WWC1: variants seen among roughly 807,000 people sequenced by gnomAD.
WWC1 encodes protein KIBRA.
A neutral mutation model predicts 138.4 loss-of-function variants in WWC1; 55 were observed. The observed-to-expected ratio is 0.40, with a 90% CI of 0.32 to 0.50. The LOEUF is 0.50. WWC1 is among the 20% of genes least tolerant of loss of function. WWC1 has a pLI of 0.72. For synonymous variants in WWC1, 524 were observed against 564.9 expected (o/e 0.93, Z 1.03); for missense variants, 1,226 against 1,420.4 (o/e 0.86, Z 2.20).
intron 2 of WWC1, among the ~76,000 whole-genome samples, chr5:168,383,348 C>G (rs527516290): frequency 1.3e-5 from 2 of 152,232 alleles, no homozygotes; most frequent in East Asian, 1.9e-4. Context: ...TTCATTACCC[C>G]CTTTAAGAGA....
At chr5:168,312,059 A>G (rs1303845978) in intron 1 of WWC1, among the ~76,000 whole-genome samples, 1 of 151,602 alleles carries the variant, frequency 6.6e-6, no homozygotes, top group East Asian at 1.9e-4. Flanking sequence ...AAAAAAAAAA[A>G]ATACAAAAAT....
At chr5:168,465,065 A>G (rs913888521) in intron 21 of WWC1, 103 bp downstream of exon 21, 20 of 1,461,462 alleles carry the variant, frequency 1.4e-5, no homozygotes, top group Admixed American at 1.2e-4. Context: ...GCATCCTACA[A>G]TTCCCACCAC....
intron 1 of WWC1, among the ~76,000 whole-genome samples, chr5:168,348,519 G>A (rs1039480068): frequency 2.0e-5 from 3 of 152,164 alleles, no homozygotes; most frequent in Non-Finnish European, 4.4e-5. Context: ...TGGAAGCTTG[G>A]CTGTGAGCAC....
At chr5:168,386,904 C>T (rs1304874265) in intron 3 of WWC1, among the ~76,000 whole-genome samples, 1 of 152,186 alleles carries the variant, frequency 6.6e-6, no homozygotes, top group Non-Finnish European at 1.5e-5. Flanking sequence ...CGTGCCTCAG[C>T]CTCCCAAAGT....
At chr5:168,435,748 T>G (rs1329243417) in intron 15 of WWC1, among the ~76,000 whole-genome samples, 1 of 152,196 alleles carries the variant, frequency 6.6e-6, no homozygotes, top group Non-Finnish European at 1.5e-5. Context: ...TTCCAACTAC[T>G]ACATTGTTTC....
intron 1 of WWC1, among the ~76,000 whole-genome samples, chr5:168,306,289 G>C (rs6555799): frequency 6.6e-6 from 1 of 151,404 alleles, no homozygotes; most frequent in East Asian, 2.0e-4. Context: ...CCAGCTACTC[G>C]GGAGGCTGAG....
chr5:168,448,672 G>A (rs1235227799), intron 17 of WWC1, among the ~76,000 whole-genome samples: 1 of 145,124 alleles, frequency 6.9e-6, no homozygotes, highest in African/African-American at 2.6e-5. Context: ...AGGCTGGAGT[G>A]CAGTGGCACG....
chr5:168,301,930 G>A (rs1019032379), intron 1 of WWC1, among the ~76,000 whole-genome samples: 6 of 152,074 alleles, frequency 3.9e-5, no homozygotes, highest in Non-Finnish European at 5.9e-5. Context: ...ATTAGAGCTC[G>A]CAAACCACCT....
intron 6 of WWC1, 137 bp from the exon 7 acceptor site, chr5:168,408,370 C>T: frequency 3.9e-6 from 4 of 1,014,246 alleles, no homozygotes; most frequent in South Asian, 3.2e-5. Flanking sequence ...CTCTCTATCA[C>T]AGGATCAGTA....
intron 22 of WWC1, 76 bp downstream of exon 22, chr5:168,468,040 A>G (rs1236176255): frequency 6.3e-7 from 1 of 1,589,342 alleles, no homozygotes; most frequent in Non-Finnish European, 8.6e-7. Flanking sequence ...CTGTGGTCTT[A>G]CTGCTCTCAT....
At chr5:168,306,936 C>T (rs546192305) in intron 1 of WWC1, among the ~76,000 whole-genome samples, 9 of 152,202 alleles carry the variant, frequency 5.9e-5, no homozygotes, top group African/African-American at 2.2e-4. Flanking sequence ...GGGGGCTAGG[C>T]CTTCCTTTCA....
intron 16 of WWC1, among the ~76,000 whole-genome samples, chr5:168,443,757 T>C (rs1193060524): frequency 6.6e-6 from 1 of 152,220 alleles, no homozygotes; most frequent in Non-Finnish European, 1.5e-5. Context: ...ATGTCAGGAA[T>C]TTTTCAGGCT....
chr5:168,471,214 A>T lies in WWC1; in HGVS notation c.*2197A>T, dbSNP rs962377374. 2.6e-5 allele frequency: 4 copies of T among 152,452 alleles called. No individual in the cohort carries two copies. The highest frequency in any genetic ancestry group is 7.2e-5 in the African/African-American group (3 of 41,416). The allele number at this position is 152,452 out of a possible 1,614,324, so 9.4% of individuals were successfully genotyped here. A position where few individuals can be genotyped will look rare whatever the true frequency, so the allele number is the denominator to read the frequency against. On this transcript the variant is annotated 3_prime_UTR_variant, in exon 23 of 23. Coordinates refer to ENST00000265293, the MANE Select transcript of WWC1 (RefSeq NM_015238.3). ...ATGTATAAGGAACCTATAGTGGTGT[A>T]GAATCTACTCTTCTTCCCCCTGTGG... is the stretch of plus-strand genomic sequence containing the variant.
In WWC1 at chr5:168,414,578, C is replaced by A; in HGVS notation, c.1172C>A (p.Ala391Glu). ...LQAARDTQSK[A>E]LTERLKLNSK... ...GCAGCCCGGGACACCCAGAGCAAGG[C>A]GCTGACGGAGAGGTGGGGCTGGGGC... The change falls in exon 9 of 23, where the codon GCG (alanine) becomes GAG (glutamate). Residue 391 changes from alanine (A) to glutamate (E), a missense_variant. Coordinates refer to ENST00000265293, the MANE Select transcript of WWC1 (RefSeq NM_015238.3). 1 of 1,551,990 alleles carries A rather than the reference C, an allele frequency of 6.4e-7. No individual in the cohort carries two copies. The highest frequency in any genetic ancestry group is 1.2e-5 in the South Asian group (1 of 84,168).
chr5:168,431,139 A>C, intron 14 of WWC1, 113 bp from the exon 15 acceptor site: 1 of 957,884 alleles, frequency 1.0e-6, no homozygotes. Flanking sequence ...CCTCACTTCT[A>C]CAAACTCTCA....
intron 17 of WWC1, among the ~76,000 whole-genome samples, chr5:168,446,161 A>T (rs1266652237): frequency 6.6e-6 from 1 of 151,470 alleles, no homozygotes; most frequent in Non-Finnish European, 1.5e-5. Context: ...CAGTGTAATG[A>T]AAATAAAGCA....
chr5:168,318,085 G>C (rs73381457), intron 1 of WWC1, among the ~76,000 whole-genome samples: 12,060 of 151,602 alleles, frequency 0.08, 1,592 homozygotes, highest in African/African-American at 0.27. Context: ...TTTCTGATTA[G>C]AAATCAGTAG....
chr5:168,427,713 G>A (rs1781617395), intron 11 of WWC1, among the ~76,000 whole-genome samples: 1 of 151,658 alleles, frequency 6.6e-6, no homozygotes, highest in Non-Finnish European at 1.5e-5. Context: ...CAACACTTTG[G>A]AAGGCCAAAG....
chr5:168,409,641 C>T (rs1231115156), intron 7 of WWC1, among the ~76,000 whole-genome samples: 1 of 152,210 alleles, frequency 6.6e-6, no homozygotes, highest in African/African-American at 2.4e-5. Flanking sequence ...TGAATGGGCA[C>T]CAAGCCAAGC....
Sources: allele counts gnomAD v4.1 joint callset (sites outside exome capture counted in the v4.1 genomes callset), GRCh38; gene constraint gnomAD v4.1.1; transcripts MANE v1.5; gene names NCBI Gene and HGNC (gene_info 2026-07-23, HGNC 2026-07-21).